Variants in COBL observed in about 807,000 individuals in gnomAD.
COBL encodes protein cordon-bleu.
COBL carries 51 observed loss-of-function variants against 98.8 expected under a neutral mutation model. The observed-to-expected ratio is 0.52, with a 90% CI of 0.41 to 0.65. The LOEUF (loss-of-function observed/expected upper bound fraction) is 0.65. Among genes scored for constraint, COBL ranks in the 30% least tolerant of loss-of-function variants. The pLI is 0.00. For missense variants in COBL, 1,617 were observed against 1,617.5 expected (o/e 1.00, Z 0.01); for synonymous variants, 634 against 651.7 (o/e 0.97, Z 0.41).
chr7:51,029,256 C>T lies in COBL; in HGVS notation c.1840G>A (p.Ala614Thr), dbSNP rs1787918963. ...CCATCTTTAGAGATGTTAGATAAGG[C>T]CACACGGATTCCTTTTCCGACGTCA... ...SHDVGKGIRV[A>T]LSNISKDGNL... Residue 614 changes from alanine (A) to threonine (T), a missense_variant, in exon 10 of 13, where the codon GCC (alanine) becomes ACC (threonine). By Grantham distance (58) the Ala-to-Thr change is moderately conservative. This residue lies in a region of COBL where 1,304 missense variants were observed against 1,282.0 expected (regional missense o/e 1.02). Coordinates refer to ENST00000265136, the MANE Select transcript of COBL (RefSeq NM_015198.5). 2 of 1,611,398 alleles carry T rather than the reference C, an allele frequency of 1.2e-6. No homozygotes were observed. Among genetic ancestry groups the T allele is most frequent in the South Asian group, 2.2e-5 (2 of 90,776 alleles).
In COBL at chr7:51,316,684, G is replaced by T; in HGVS notation, c.-51C>A. Reference sequence around the variant, plus strand: ...GTGCTCCGGGCCCGCCGAGTCAGGCGCTGGCTACCGCCGCCACCGCTGCCG... The same window carrying T: ...GTGCTCCGGGCCCGCCGAGTCAGGCTCTGGCTACCGCCGCCACCGCTGCCG... On this transcript the variant is annotated 5_prime_UTR_variant, in exon 1 of 13. Transcript: ENST00000265136. 8.6e-7 allele frequency: 1 copy of T among 1,166,746 alleles called. No individual in the cohort carries two copies. Among genetic ancestry groups the T allele is most frequent in the Non-Finnish European group, 1.1e-6 (1 of 939,426 alleles). The allele number at this position is 1,166,746 out of a possible 1,614,324, so 72.3% of individuals were successfully genotyped here.
intron 6 of COBL, among the ~76,000 whole-genome samples, chr7:51,119,905 C>T (rs1218374510): frequency 5.3e-5 from 8 of 152,126 alleles, no homozygotes; most frequent in Non-Finnish European, 1.5e-5. Context: ...ATTGGCAAGT[C>T]CTTTTGAGTG....
rs199991316 is a variant in COBL at position 51,085,247 on chromosome 7, G to A, written c.1015C>T (p.Pro339Ser). The change falls in exon 7 of 13, where the codon CCT becomes TCT. Residue 339 changes from proline (P) to serine (S), a missense_variant. Around this residue, in one of 3 missense-constraint regions of COBL, gnomAD observed 1,304 missense variants for 1,282.0 expected, o/e 1.02. Transcript: ENST00000265136. The part of the protein sequence containing the change: ...QKKKRRAPAP[P>S]PPQPPPPSPL... ...CTCGGTGGTGGTGGCTGTGGTGGAG[G>A]GGGAGCTGGCGCTCGCCGCTTCTTC... 5.6e-6 allele frequency: 9 copies of A among 1,613,320 alleles called. No individual in the cohort carries two copies. Among genetic ancestry groups the A allele is most frequent in the Non-Finnish European group, 6.8e-6 (8 of 1,179,926 alleles).
At chr7:51,294,621 C>T (rs370122863) in intron 1 of COBL, among the ~76,000 whole-genome samples, 12 of 122,746 alleles carry the variant, frequency 9.8e-5, no homozygotes, top group South Asian at 8.3e-4. Flanking sequence ...CCAGCTTGGG[C>T]GACAAGAGTG....
chr7:51,182,960 C>CT (rs1789131020), intron 5 of COBL, among the ~76,000 whole-genome samples: 1 of 152,212 alleles, frequency 6.6e-6, no homozygotes, highest in Non-Finnish European at 1.5e-5. Flanking sequence ...CACTCTCCTC[C>CT]TCCCTTCCCA....
At chr7:51,217,130 G>A (rs769494409) in intron 2 of COBL, among the ~76,000 whole-genome samples, 4 of 152,134 alleles carry the variant, frequency 2.6e-5, no homozygotes, top group African/African-American at 4.8e-5. Context: ...CCATCTCTAA[G>A]GCTGCACCTA....
chr7:51,140,727 A>G (rs1039398406), intron 5 of COBL, among the ~76,000 whole-genome samples: 4 of 152,214 alleles, frequency 2.6e-5, no homozygotes, highest in Non-Finnish European at 4.4e-5. Context: ...TGACAGCACA[A>G]GTGCCCCATA....
rs1273283557 is a variant in COBL at position 51,108,171 on chromosome 7, G to A, written c.958-22867C>T. Among the ~76,000 whole-genome samples the A allele has an allele frequency of 3.3e-5, 5 of 152,100 alleles. No homozygotes were observed. In the South Asian group the frequency reaches 8.3e-4, roughly 25 times the overall value. On this transcript the variant is annotated intron_variant, in intron 6 of 12. Coordinates refer to ENST00000265136, the MANE Select transcript of COBL (RefSeq NM_015198.5). ...TGCCACTGTGGGCCAAGCTCACCAA[G>A]GATCCTCGGGCCAACATTCTGATTC... is the stretch of plus-strand genomic sequence containing the variant.
At chr7:51,251,012 T>C (rs907710009) in intron 1 of COBL, among the ~76,000 whole-genome samples, 2 of 152,324 alleles carry the variant, frequency 1.3e-5, no homozygotes, top group East Asian at 1.9e-4. Context: ...CTATTGAAAA[T>C]AATTGACCTA....
chr7:51,095,733 T>C (rs1031549884), intron 6 of COBL, among the ~76,000 whole-genome samples: 24 of 152,042 alleles, frequency 1.6e-4, no homozygotes, highest in Non-Finnish European at 7.4e-5. Flanking sequence ...AAAGAGTGAA[T>C]ATGGCCATAA....
chr7:51,292,867 G>A (rs1255816381), intron 1 of COBL, among the ~76,000 whole-genome samples: 1 of 152,244 alleles, frequency 6.6e-6, no homozygotes, highest in African/African-American at 2.4e-5. Context: ...CCAGGCCTGG[G>A]CACACAGGTT....
At chr7:51,262,729 AG>A (rs946932314) in intron 1 of COBL, among the ~76,000 whole-genome samples, 1 of 152,204 alleles carries the variant, frequency 6.6e-6, no homozygotes, top group Non-Finnish European at 1.5e-5. Context: ...AGCATGAACC[AG>A]GGGCCGGTTG....
Position 51,126,948 on chromosome 7 carries a change from T to G in COBL, c.957+9210A>C, listed in dbSNP as rs543413930. ...CCTTAGCTGTCTGACATTGAGGCCATGTTCACCCGCTCATAAATGTCTACT... is the reference window on the plus strand; with the variant it reads ...CCTTAGCTGTCTGACATTGAGGCCAGGTTCACCCGCTCATAAATGTCTACT... On this transcript the variant is annotated intron_variant, in intron 6 of 12. Coordinates refer to ENST00000265136, the MANE Select transcript of COBL (RefSeq NM_015198.5). Among the ~76,000 whole-genome samples, 12 of 152,222 alleles carry G rather than the reference T, an allele frequency of 7.9e-5. No individual in the cohort carries two copies. In the South Asian group the frequency reaches 2.5e-3, roughly 32 times the overall value.
intron 1 of COBL, among the ~76,000 whole-genome samples, chr7:51,232,168 G>C (rs757530752): frequency 3.3e-5 from 5 of 152,238 alleles, no homozygotes; most frequent in African/African-American, 1.2e-4. Flanking sequence ...ACAATCTGTT[G>C]AGTCTAATCC....
At position 51,029,347 on chromosome 7, in the gene COBL, T is replaced by C; in HGVS notation, c.1749A>G (p.Gln583=). 2.5e-6 allele frequency: 4 copies of C among 1,605,302 alleles called. No homozygotes were observed. The highest frequency in any genetic ancestry group is 3.4e-6 in the Non-Finnish European group (4 of 1,174,508). ...TTTCATGGGGCTGGCTGTGCTCAGC[T>C]TGAAGTGGCGCCAGGGAGTCTCTCC... ...ASRRDSLAPL[Q]AEHSQPHEKA... is the part of the protein sequence containing the mutation. Residue 583 remains glutamine (Q), a synonymous_variant, in exon 10 of 13, where the codon CAA becomes CAG. Transcript: ENST00000265136.
intron 7 of COBL, among the ~76,000 whole-genome samples, chr7:51,084,752 G>A (rs1020891801): frequency 3.9e-5 from 6 of 152,158 alleles, no homozygotes; most frequent in Admixed American, 3.9e-4. Context: ...CTGAGCTGAT[G>A]TCAACTTGTC....
chr7:51,303,366 C>G (rs1802165894), intron 1 of COBL, among the ~76,000 whole-genome samples: 1 of 152,146 alleles, frequency 6.6e-6, no homozygotes, highest in Admixed American at 6.5e-5. Context: ...TCAAGACCAG[C>G]AAAACCCATC....
intron 1 of COBL, among the ~76,000 whole-genome samples, chr7:51,234,279 C>CTG (rs1795028555): frequency 6.6e-6 from 1 of 152,236 alleles, no homozygotes; most frequent in Admixed American, 6.5e-5. Flanking sequence ...TGCTGAGCAA[C>CTG]CATGTGGCCT....
intron 1 of COBL, among the ~76,000 whole-genome samples, chr7:51,276,244 T>A (rs1799300470): frequency 6.6e-6 from 1 of 152,138 alleles, no homozygotes; most frequent in Admixed American, 6.5e-5. Context: ...AATCCATGAG[T>A]AACTGTTTCA....
Sources: allele counts gnomAD v4.1 joint callset (sites outside exome capture counted in the v4.1 genomes callset), GRCh38; gene constraint gnomAD v4.1.1; regional missense constraint gnomAD v4.1.1; transcripts MANE v1.5; gene names NCBI Gene and HGNC (gene_info 2026-07-23, HGNC 2026-07-21).